Variants in TNNI3K observed in about 807,000 individuals in gnomAD.
TNNI3K encodes serine/threonine-protein kinase TNNI3K.
TNNI3K carries 140 observed loss-of-function variants against 114.5 expected under a neutral mutation model. The observed-to-expected ratio is 1.22, with a 90% CI of 1.07 to 1.41. TNNI3K has a LOEUF of 1.41. Among genes scored for constraint, TNNI3K ranks in the 40% most tolerant of loss-of-function variants. TNNI3K has a pLI of 0.00. For missense variants in TNNI3K, 1,125 were observed against 1,007.6 expected (o/e 1.12, Z -1.58); for synonymous variants, 347 against 347.5 (o/e 1.00, Z 0.02).
Position 74,369,284 on chromosome 1 carries a change from A to C in TNNI3K, c.1472+20A>C, listed in dbSNP as rs2100519984. The C allele has an allele frequency of 6.2e-7, 1 of 1,611,714 alleles. No individual in the cohort carries two copies. Among genetic ancestry groups the C allele is most frequent in the South Asian group, 1.1e-5 (1 of 90,796 alleles). ...AAAACGGTAAGCAAGCAAATGAAAA[A>C]ATTTAACATCCAGGTGGAATTGTGA... On this transcript the variant is annotated intron_variant, in intron 15 of 24. Transcript: ENST00000326637.
chr1:74,348,241 T>G (rs1661129874), intron 9 of TNNI3K, among the ~76,000 whole-genome samples: 1 of 152,210 alleles, frequency 6.6e-6, no homozygotes, highest in Non-Finnish European at 1.5e-5. Context: ...CCAGCACCAT[T>G]TATTAAATAG....
At chr1:74,353,131 C>T (rs1661464146) in intron 9 of TNNI3K, 135 bp from the exon 10 acceptor site, 3 of 929,804 alleles carry the variant, frequency 3.2e-6, no homozygotes, top group African/African-American at 3.4e-5. Context: ...GATACAATCC[C>T]TAAATACAGT....
chr1:74,382,923 AC>A (rs1275649904), intron 17 of TNNI3K, among the ~76,000 whole-genome samples: 2 of 151,934 alleles, frequency 1.3e-5, no homozygotes, highest in African/African-American at 4.8e-5. Context: ...ATCTTGAGTG[AC>A]CTCTTTCTTT....
chr1:74,527,200 C>A (rs1646515318), intron 23 of TNNI3K, among the ~76,000 whole-genome samples: 1 of 152,172 alleles, frequency 6.6e-6, no homozygotes, highest in Admixed American at 6.5e-5. Flanking sequence ...AAGTGCCAGG[C>A]ACACGGAGAC....
chr1:74,368,713 C>G (rs960244185), intron 13 of TNNI3K, among the ~76,000 whole-genome samples: 1 of 151,624 alleles, frequency 6.6e-6, no homozygotes, highest in Non-Finnish European at 1.5e-5. Flanking sequence ...CAGGAATAGA[C>G]CCTTAGCGCT....
intron 20 of TNNI3K, among the ~76,000 whole-genome samples, chr1:74,461,363 C>T (rs1232526300): frequency 6.6e-6 from 1 of 151,830 alleles, no homozygotes; most frequent in Non-Finnish European, 1.5e-5. Flanking sequence ...GCCTGTAGTC[C>T]CAGCTATTTG....
intron 5 of TNNI3K, among the ~76,000 whole-genome samples, chr1:74,313,139 G>C (rs749720135): frequency 6.6e-6 from 1 of 152,098 alleles, no homozygotes; most frequent in Non-Finnish European, 1.5e-5. Context: ...TTCCTGGATA[G>C]CTCCTACATG....
intron 23 of TNNI3K, chr1:74,512,680 T>A (rs1670289186): frequency 6.6e-6 from 1 of 152,240 alleles, no homozygotes; most frequent in Non-Finnish European, 1.5e-5. Flanking sequence ...CCTGGCTTCA[T>A]CCTTTAGTGC....
chr1:74,379,561 G>T (rs915374428), intron 17 of TNNI3K, among the ~76,000 whole-genome samples: 3 of 152,038 alleles, frequency 2.0e-5, no homozygotes, highest in African/African-American at 7.2e-5. Flanking sequence ...ATATTATGAA[G>T]TCAGTCTGTC....
In TNNI3K at chr1:74,367,856, G is replaced by C. The variant is rs1026838155; in HGVS notation, c.1265-52G>C. 22 of 1,505,338 alleles carry C rather than the reference G, an allele frequency of 1.5e-5. No individual in the cohort carries two copies. In the South Asian group the frequency reaches 2.9e-4, roughly 20 times the overall value. 93.2% of individuals were successfully genotyped at this position (1,505,338 alleles called of 1,614,324 possible). A position where few individuals can be genotyped will look rare whatever the true frequency, so the allele number is the denominator to read the frequency against. The stretch of plus-strand genomic sequence containing the variant: ...TATTTTTATAATGTTGAACTTTTAT[G>C]TAGAAAAAAATGATCGCTACTTTCA... On this transcript the variant is annotated intron_variant, in intron 12 of 24. Transcript: ENST00000326637.
intron 11 of TNNI3K, among the ~76,000 whole-genome samples, chr1:74,361,135 G>A (rs1661944128): frequency 6.6e-6 from 1 of 152,040 alleles, no homozygotes; most frequent in Non-Finnish European, 1.5e-5. Flanking sequence ...TAACTGCACA[G>A]TCCTAATATT....
chr1:74,446,632 T>G (rs139693380), intron 20 of TNNI3K, among the ~76,000 whole-genome samples: 1 of 150,376 alleles, frequency 6.6e-6, no homozygotes, highest in Non-Finnish European at 1.5e-5. Context: ...ATGTCCTGAA[T>G]GGTAATGCCA....
At chr1:74,256,100 T>C (rs1655279152) in intron 4 of TNNI3K, among the ~76,000 whole-genome samples, 1 of 152,118 alleles carries the variant, frequency 6.6e-6, no homozygotes. Context: ...TGAACATATG[T>C]TTTTATTTCT....
At chr1:74,374,789 T>A (rs2100533835) in intron 17 of TNNI3K, 1 of 152,082 alleles carries the variant, frequency 6.6e-6, no homozygotes, top group African/African-American at 2.4e-5. Context: ...GCTGTAGACC[T>A]CACCACCTAC....
intron 5 of TNNI3K, among the ~76,000 whole-genome samples, chr1:74,303,674 G>A (rs557372038): frequency 2.6e-5 from 4 of 152,160 alleles, no homozygotes; most frequent in African/African-American, 4.8e-5. Flanking sequence ...CAACTTTCAA[G>A]TTTCATTATT....
chr1:74,243,733 T>C lies in TNNI3K; in HGVS notation c.150-5726T>C, dbSNP rs557151031. 2.0e-5 allele frequency among the ~76,000 whole-genome samples: 3 copies of C among 152,264 alleles called. No individual in the cohort carries two copies. In the East Asian group the frequency reaches 5.8e-4, roughly 29 times the overall value. ...ATGCTACAAGAAAGAAAGTAACCTTTGGGTACAGAACTATCATTTTTAATG... is the reference window on the plus strand; with the variant it reads ...ATGCTACAAGAAAGAAAGTAACCTTCGGGTACAGAACTATCATTTTTAATG... On this transcript the variant is annotated intron_variant, in intron 2 of 24. Transcript: ENST00000326637.
intron 22 of TNNI3K, 93 bp from the exon 23 acceptor site, chr1:74,492,004 A>G: frequency 5.1e-6 from 7 of 1,370,636 alleles, no homozygotes; most frequent in Non-Finnish European, 6.7e-6. Context: ...AATATGGGAA[A>G]CCTTGGAATA....
chr1:74,250,642 A>C, intron 3 of TNNI3K, 30 bp from the exon 4 acceptor site: 2 of 1,602,894 alleles, frequency 1.2e-6, no homozygotes, highest in Non-Finnish European at 1.7e-6. Context: ...CCCCACAATG[A>C]TTTAGCCTTT....
intron 19 of TNNI3K, among the ~76,000 whole-genome samples, chr1:74,437,887 A>G (rs1386002856): frequency 6.6e-6 from 1 of 151,802 alleles, no homozygotes; most frequent in East Asian, 2.0e-4. Context: ...ATCTTTTAAA[A>G]ATTCCCCCAC....
Sources: allele counts gnomAD v4.1 joint callset (sites outside exome capture counted in the v4.1 genomes callset), GRCh38; gene constraint gnomAD v4.1.1; transcripts MANE v1.5; gene names NCBI Gene and HGNC (gene_info 2026-07-23, HGNC 2026-07-21).